LRRTM4: variants seen among roughly 807,000 people sequenced by gnomAD.
The protein encoded by LRRTM4 is leucine-rich repeat transmembrane neuronal protein 4.
LRRTM4 carries 25 observed loss-of-function variants against 47.6 expected under a neutral mutation model. The ratio of observed to expected loss-of-function variants is 0.53; its 90% CI spans 0.38 to 0.73. The LOEUF is 0.73. Ranked by LOEUF, LRRTM4 falls within the 30% of genes least tolerant of loss-of-function variation. The pLI, the probability that LRRTM4 is intolerant of heterozygous loss-of-function variation, is 0.00. For synonymous variants in LRRTM4, 311 were observed against 269.5 expected, an observed-to-expected ratio of 1.15 and a Z score of -1.51; for missense variants, 638 against 713.4, an observed-to-expected ratio of 0.89 and a Z score of 1.20.
Position 77,128,552 on chromosome 2 carries a change from G to C in LRRTM4, c.1552-379636C>G, listed in dbSNP as rs148421277. Reference sequence around the variant, plus strand: ...TATTCACAACGGTAAGTCCCATCTAGTAAAACTATACAAAATCTTTCCAAC... The same window carrying C: ...TATTCACAACGGTAAGTCCCATCTACTAAAACTATACAAAATCTTTCCAAC... On this transcript the variant is annotated intron_variant, in intron 3 of 3. Transcript: ENST00000409884. 2.0e-5 allele frequency among the ~76,000 whole-genome samples: 3 copies of C among 152,272 alleles called. No individual in the cohort carries two copies. The East Asian group carries it at 5.8e-4, about 29-fold the overall frequency.
intron 3 of LRRTM4, among the ~76,000 whole-genome samples, chr2:77,048,341 G>A (rs987960218): frequency 2.6e-5 from 4 of 151,936 alleles, no homozygotes; most frequent in African/African-American, 2.4e-5. Flanking sequence ...CATGCATTTA[G>A]GTGTTATAAT....
At chr2:76,805,311 A>C (rs1332873221) in intron 3 of LRRTM4, among the ~76,000 whole-genome samples, 1 of 152,190 alleles carries the variant, frequency 6.6e-6, no homozygotes, top group Non-Finnish European at 1.5e-5. Flanking sequence ...TGTTGGCATC[A>C]ATTTGTCTGC....
At chr2:76,776,949 AG>A (rs1395434079) in intron 3 of LRRTM4, among the ~76,000 whole-genome samples, 1 of 134,200 alleles carries the variant, frequency 7.5e-6, no homozygotes, top group African/African-American at 2.8e-5. Context: ...GGTGTAAGGA[AG>A]GGATCCAGTT....
Position 76,764,457 on chromosome 2 carries a change from C to G in LRRTM4, c.1552-15541G>C, listed in dbSNP as rs555053389. Among the ~76,000 whole-genome samples, 25 of 152,178 alleles carry G rather than the reference C, an allele frequency of 1.6e-4. No homozygotes were observed. In the East Asian group the frequency reaches 1.8e-3, roughly 11 times the overall value. On this transcript the variant is annotated intron_variant, in intron 3 of 3. Transcript: ENST00000409884. ...CCATCCTGGCTAACACGGTGAAACCCTGTCTCTACTAAAAATGCAAAAAAT... is the reference window on the plus strand; with the variant it reads ...CCATCCTGGCTAACACGGTGAAACCGTGTCTCTACTAAAAATGCAAAAAAT...
At chr2:77,438,094 A>C (rs1431589908) in intron 3 of LRRTM4, among the ~76,000 whole-genome samples, 1 of 152,190 alleles carries the variant, frequency 6.6e-6, no homozygotes, top group African/African-American at 2.4e-5. Context: ...TTCAGAGTCT[A>C]TAAAATGTTA....
At chr2:76,767,094 C>G (rs1673486156) in intron 3 of LRRTM4, among the ~76,000 whole-genome samples, 1 of 152,140 alleles carries the variant, frequency 6.6e-6, no homozygotes, top group Non-Finnish European at 1.5e-5. Context: ...CCACCCTTTG[C>G]AGATCCTCCC....
chr2:77,331,765 G>A (rs772443267), intron 3 of LRRTM4, among the ~76,000 whole-genome samples: 7 of 152,032 alleles, frequency 4.6e-5, no homozygotes, highest in Non-Finnish European at 8.8e-5. Context: ...CTTCTATTCT[G>A]ACACTTTAAT....
At chr2:77,017,487 C>A (rs1378316133) in intron 3 of LRRTM4, among the ~76,000 whole-genome samples, 1 of 152,062 alleles carries the variant, frequency 6.6e-6, no homozygotes, top group South Asian at 2.1e-4. Context: ...TTAGCTGTAC[C>A]TCCTAAGGTC....
intron 3 of LRRTM4, among the ~76,000 whole-genome samples, chr2:77,512,157 GTT>G (rs1205648012): frequency 6.6e-6 from 1 of 152,026 alleles, no homozygotes; most frequent in Non-Finnish European, 1.5e-5. Context: ...GGTTACGTTT[GTT>G]TAGATTTTAA....
At chr2:77,387,416 A>G (rs112458773) in intron 3 of LRRTM4, among the ~76,000 whole-genome samples, 248 of 152,224 alleles carry the variant, frequency 1.6e-3, no homozygotes, top group African/African-American at 5.8e-3. Flanking sequence ...GCTAACCAGT[A>G]TGTCTCCCTC....
intron 3 of LRRTM4, among the ~76,000 whole-genome samples, chr2:76,993,931 T>C (rs1677102621): frequency 6.6e-6 from 1 of 151,842 alleles, no homozygotes; most frequent in Non-Finnish European, 1.5e-5. Flanking sequence ...AGACATAACA[T>C]AAAATGAAAA....
At chr2:77,435,082 C>G (rs1392247926) in intron 3 of LRRTM4, among the ~76,000 whole-genome samples, 2 of 151,938 alleles carry the variant, frequency 1.3e-5, no homozygotes, top group Non-Finnish European at 1.5e-5. Flanking sequence ...CCTCTGCCCA[C>G]TAGATGCCAG....
At chr2:77,044,665 A>G (rs1380529408) in intron 3 of LRRTM4, among the ~76,000 whole-genome samples, 1 of 151,708 alleles carries the variant, frequency 6.6e-6, no homozygotes, top group Non-Finnish European at 1.5e-5. Context: ...AAACACACAC[A>G]TACACATATA....
At chr2:77,197,428 T>C (rs2103892176) in intron 3 of LRRTM4, among the ~76,000 whole-genome samples, 1 of 152,248 alleles carries the variant, frequency 6.6e-6, no homozygotes, top group African/African-American at 2.4e-5. Context: ...ATCTGTATTA[T>C]TTGAAATGAG....
At chr2:76,966,329 G>T (rs535324140) in intron 3 of LRRTM4, among the ~76,000 whole-genome samples, 1 of 151,438 alleles carries the variant, frequency 6.6e-6, no homozygotes. Flanking sequence ...AGCAAAGGAG[G>T]AAGTGGGAGA....
chr2:76,894,066 T>G (rs1010002786), intron 3 of LRRTM4, among the ~76,000 whole-genome samples: 5 of 151,968 alleles, frequency 3.3e-5, no homozygotes, highest in Non-Finnish European at 7.4e-5. Flanking sequence ...TAATTGTATG[T>G]AGTCATAATG....
At chr2:77,343,705 A>G (rs1172888537) in intron 3 of LRRTM4, among the ~76,000 whole-genome samples, 2 of 151,908 alleles carry the variant, frequency 1.3e-5, no homozygotes, top group African/African-American at 4.8e-5. Context: ...TCTGTCATTT[A>G]CTGTTGTGAA....
At chr2:77,094,827 C>T (rs1260936888) in intron 3 of LRRTM4, among the ~76,000 whole-genome samples, 1 of 152,122 alleles carries the variant, frequency 6.6e-6, no homozygotes, top group Non-Finnish European at 1.5e-5. Context: ...AATTGCAAAG[C>T]TGCTAGAAGA....
chr2:76,912,116 T>C (rs1674087683), intron 3 of LRRTM4, among the ~76,000 whole-genome samples: 1 of 152,102 alleles, frequency 6.6e-6, no homozygotes, highest in Non-Finnish European at 1.5e-5. Context: ...ACAGGAGGTT[T>C]CACCATGTTA....
Sources: allele counts gnomAD v4.1 joint callset (sites outside exome capture counted in the v4.1 genomes callset), GRCh38; gene constraint gnomAD v4.1.1; transcripts MANE v1.5; gene names NCBI Gene and HGNC (gene_info 2026-07-23, HGNC 2026-07-21).